PAM: variants seen among roughly 807,000 people sequenced by gnomAD.
PAM encodes the protein peptidyl-glycine alpha-amidating monooxygenase.
PAM carries 72 observed loss-of-function variants against 122.1 expected under a neutral mutation model. The observed-to-expected ratio is 0.59, with a 90% CI of 0.49 to 0.72. PAM has a LOEUF of 0.72. Ranked by LOEUF, PAM falls within the 30% of genes least tolerant of loss-of-function variation. PAM has a pLI of 0.00. For missense variants in PAM, 1,106 were observed against 1,183.7 expected (o/e 0.93, Z 0.96); for synonymous variants, 389 against 404.4 (o/e 0.96, Z 0.46).
chr5:103,019,990 A>C (rs1386305142), intron 23 of PAM, 147 bp downstream of exon 23: 1 of 651,102 alleles, frequency 1.5e-6, no homozygotes, highest in African/African-American at 1.8e-5. Flanking sequence ...CTGAGCCTTT[A>C]AACCTGTATG....
chr5:102,762,979 G>A (rs1752814765), intron 1 of PAM, among the ~76,000 whole-genome samples: 1 of 152,210 alleles, frequency 6.6e-6, no homozygotes, highest in Non-Finnish European at 1.5e-5. Context: ...ACAGATAAAT[G>A]TTTCCAGAGC....
intron 1 of PAM, among the ~76,000 whole-genome samples, chr5:102,858,699 G>A (rs182609908): frequency 6.6e-6 from 1 of 152,174 alleles, no homozygotes; most frequent in Non-Finnish European, 1.5e-5. Context: ...AGTTACAAAA[G>A]TAATACAAGC....
chr5:102,894,759 A>C (rs1362095136), intron 3 of PAM, among the ~76,000 whole-genome samples: 5 of 151,676 alleles, frequency 3.3e-5, no homozygotes, highest in Non-Finnish European at 7.4e-5. Context: ...TTATATCACC[A>C]ATACATTCAG....
intron 1 of PAM, among the ~76,000 whole-genome samples, chr5:102,789,484 C>CT (rs1047490656): frequency 6.6e-6 from 1 of 152,054 alleles, no homozygotes; most frequent in African/African-American, 2.4e-5. Flanking sequence ...CTGACACGTG[C>CT]TACAACATGG....
intron 1 of PAM, among the ~76,000 whole-genome samples, chr5:102,762,729 A>G (rs1286702585): frequency 6.6e-6 from 1 of 152,222 alleles, no homozygotes; most frequent in East Asian, 1.9e-4. Flanking sequence ...TGTAGTGCTC[A>G]GAGCTTTCTG....
Position 103,009,786 on chromosome 5 carries a change from G to C in PAM, c.2251G>C (p.Gly751Arg), listed in dbSNP as rs1208497282. Reference protein sequence around the residue: ...LFAVNGKPHFGDQEPVQGFVM... With the variant: ...LFAVNGKPHFRDQEPVQGFVM... ...TGCAGTGAATGGGAAGCCTCATTTT[G>C]GGGACCAAGAACCTGTACAAGGATT... The change falls in exon 21 of 26, where the codon GGG (glycine) becomes CGG (arginine). Residue 751 changes from glycine (G) to arginine (R), a missense_variant. Physicochemically the swap from Gly to Arg is moderately radical, Grantham distance 125. Around this residue, in one of 3 missense-constraint regions of PAM, gnomAD observed 333 missense variants for 335.6 expected, o/e 0.99. Coordinates refer to ENST00000438793, the MANE Select transcript of PAM (RefSeq NM_001177306.2). The C allele has an allele frequency of 6.2e-7, 1 of 1,611,838 alleles. No individual in the cohort carries two copies. The highest frequency in any genetic ancestry group is 8.5e-7 in the Non-Finnish European group (1 of 1,178,316).
intron 9 of PAM, among the ~76,000 whole-genome samples, chr5:102,948,880 A>G (rs1462098197): frequency 6.6e-6 from 1 of 152,064 alleles, no homozygotes; most frequent in African/African-American, 2.4e-5. Flanking sequence ...TACTTGCAAA[A>G]TGGGGATGAT....
chr5:102,972,342 C>T (rs573978722), intron 14 of PAM, among the ~76,000 whole-genome samples: 9 of 152,218 alleles, frequency 5.9e-5, no homozygotes, highest in East Asian at 5.8e-4. Context: ...AGTACCGTGG[C>T]GTGATCATAG....
intron 1 of PAM, among the ~76,000 whole-genome samples, chr5:102,816,809 T>A (rs577923512): frequency 6.6e-6 from 1 of 152,256 alleles, no homozygotes; most frequent in South Asian, 2.1e-4. Flanking sequence ...TCTTATTAAG[T>A]CTCATGGCTT....
chr5:102,818,073 C>A (rs184873837), intron 1 of PAM, among the ~76,000 whole-genome samples: 2 of 149,468 alleles, frequency 1.3e-5, no homozygotes, highest in East Asian at 3.9e-4. Flanking sequence ...ATGACCTTAC[C>A]CTGCCCAACT....
chr5:102,888,003 A>G (rs1191145179), intron 3 of PAM, among the ~76,000 whole-genome samples: 2 of 151,898 alleles, frequency 1.3e-5, no homozygotes, highest in Non-Finnish European at 2.9e-5. Flanking sequence ...CCTCTTTTTC[A>G]GGGTAACCTT....
chr5:103,017,819 C>T (rs901854677), intron 22 of PAM, among the ~76,000 whole-genome samples: 5 of 152,164 alleles, frequency 3.3e-5, no homozygotes, highest in Non-Finnish European at 5.9e-5. Flanking sequence ...GAGATACCAG[C>T]ATCCGTTTGA....
At chr5:102,868,925 A>G (rs1018871248) in intron 3 of PAM, among the ~76,000 whole-genome samples, 3 of 152,228 alleles carry the variant, frequency 2.0e-5, no homozygotes, top group African/African-American at 7.2e-5. Flanking sequence ...CCATTTTCAT[A>G]AAGTAAAATG....
At chr5:102,888,637 CTCAGGGTTTGGTTCAGGCTGTATTT>C (rs1793873937) in intron 3 of PAM, among the ~76,000 whole-genome samples, 2 of 151,886 alleles carry the variant, frequency 1.3e-5, no homozygotes, top group African/African-American at 4.8e-5. Context: ...TTACTCCCAT[CTCAGGGTTTGGTTCAGGCTGTATTT>C]TCAGGTCCCC....
At chr5:102,831,888 C>A (rs560749630) in intron 1 of PAM, among the ~76,000 whole-genome samples, 1 of 152,032 alleles carries the variant, frequency 6.6e-6, no homozygotes, top group Non-Finnish European at 1.5e-5. Context: ...CTCTCTCTCT[C>A]TCTCTCCCCC....
At chr5:102,968,903 G>A (rs1371797284) in intron 14 of PAM, among the ~76,000 whole-genome samples, 3 of 152,156 alleles carry the variant, frequency 2.0e-5, no homozygotes, top group African/African-American at 2.4e-5. Flanking sequence ...GGACTACTAT[G>A]CAGCCATAAA....
intron 14 of PAM, among the ~76,000 whole-genome samples, chr5:102,972,545 G>A (rs1468905892): frequency 6.6e-6 from 1 of 152,106 alleles, no homozygotes; most frequent in Non-Finnish European, 1.5e-5. Flanking sequence ...GCCTCCCAAA[G>A]TGCTGGGATT....
chr5:102,784,483 T>C (rs1759957761), intron 1 of PAM, among the ~76,000 whole-genome samples: 1 of 152,224 alleles, frequency 6.6e-6, no homozygotes, highest in African/African-American at 2.4e-5. Flanking sequence ...ACAGTACTTA[T>C]TACAAAAGTC....
At chr5:102,794,431 G>C (rs1324578928) in intron 1 of PAM, among the ~76,000 whole-genome samples, 1 of 152,138 alleles carries the variant, frequency 6.6e-6, no homozygotes, top group African/African-American at 2.4e-5. Context: ...GAAGTGACTA[G>C]ATGAGGAGAT....
Sources: allele counts gnomAD v4.1 joint callset (sites outside exome capture counted in the v4.1 genomes callset), GRCh38; gene constraint gnomAD v4.1.1; regional missense constraint gnomAD v4.1.1; transcripts MANE v1.5; gene names NCBI Gene and HGNC (gene_info 2026-07-23, HGNC 2026-07-21).